Variants in TRAF3IP1 observed in about 807,000 individuals in gnomAD.
TRAF3IP1 encodes intraflagellar transport 54.
Under a neutral mutation model 89.9 loss-of-function variants are expected in TRAF3IP1, and 53 were observed. The observed-to-expected ratio is 0.59, with a 90% CI of 0.47 to 0.74. The LOEUF (loss-of-function observed/expected upper bound fraction) is 0.74, where lower values mean the gene tolerates loss of function less well. TRAF3IP1 is among the 30% of genes least tolerant of loss of function. The probability of loss-of-function intolerance (pLI) is 0.00; values close to 1 mark genes in which losing one functional copy is unlikely to be tolerated. For synonymous variants in TRAF3IP1, 311 were observed against 322.1 expected (o/e 0.97, Z 0.37); for missense variants, 806 against 866.1 (o/e 0.93, Z 0.87).
At chr2:238,393,923 A>C (rs1050770045) in intron 15 of TRAF3IP1, among the ~76,000 whole-genome samples, 1 of 152,170 alleles carries the variant, frequency 6.6e-6, no homozygotes, top group Non-Finnish European at 1.5e-5. Context: ...CTTGAAGCCT[A>C]CGCGGTGGCT....
chr2:238,330,704 G>T (rs970533183), intron 5 of TRAF3IP1, among the ~76,000 whole-genome samples: 2 of 152,210 alleles, frequency 1.3e-5, no homozygotes, highest in African/African-American at 4.8e-5. Flanking sequence ...TCCTGTGGGG[G>T]TCAGTATAAG....
rs571820 is a variant in TRAF3IP1 at position 238,398,604 on chromosome 2, A to G, written c.1911-150A>G. The G allele has an allele frequency of 0.73, 615,025 of 845,290 alleles. 225,948 individuals are homozygous for G. The highest frequency in any genetic ancestry group is 0.83 in the Middle Eastern group (2,231 of 2,678). 52.4% of individuals were successfully genotyped at this position (845,290 alleles called of 1,614,324 possible). A position where few individuals can be genotyped will look rare whatever the true frequency, so the allele number is the denominator to read the frequency against. On this transcript the variant is annotated intron_variant, in intron 16 of 16. Coordinates refer to ENST00000373327, the MANE Select transcript of TRAF3IP1 (RefSeq NM_015650.4). The stretch of plus-strand genomic sequence containing the variant: ...CATGTTTGACTTCACTTTTGGTTGT[A>G]GCAGGGGTTGTGAAAATAAGAAATA...
At chr2:238,382,736 G>A (rs1574967064) in intron 15 of TRAF3IP1, among the ~76,000 whole-genome samples, 1 of 152,098 alleles carries the variant, frequency 6.6e-6, no homozygotes, top group Non-Finnish European at 1.5e-5. Flanking sequence ...CCCCCAAGTT[G>A]CTCAAGAGAG....
chr2:238,364,883 C>T (rs1699811463), intron 15 of TRAF3IP1, among the ~76,000 whole-genome samples: 1 of 152,158 alleles, frequency 6.6e-6, no homozygotes, highest in African/African-American at 2.4e-5. Flanking sequence ...ATTTGACCTG[C>T]ATATATGTTT....
intron 7 of TRAF3IP1, 33 bp downstream of exon 7, chr2:238,334,068 A>G: frequency 3.5e-6 from 5 of 1,419,738 alleles, no homozygotes; most frequent in Non-Finnish European, 4.8e-6. Flanking sequence ...AGCTGAAAAT[A>G]TGGATATTAG....
Position 238,398,809 on chromosome 2 carries a change from C to T in TRAF3IP1, c.1966C>T (p.Leu656=), listed in dbSNP as rs1421368835. 3.7e-6 allele frequency: 6 copies of T among 1,612,936 alleles called. No homozygotes were observed. Among genetic ancestry groups the T allele is most frequent in the Non-Finnish European group, 5.1e-6 (6 of 1,179,666 alleles). The change falls in exon 17 of 17, where the codon CTG becomes TTG. Residue 656 remains leucine (L), a synonymous_variant. Coordinates refer to ENST00000373327, the MANE Select transcript of TRAF3IP1 (RefSeq NM_015650.4). Reference sequence around the variant, plus strand: ...GGCTGAGCTCGCGGAGCTGGAGCAGCTGATCAAAGACCAGCAAGACAAGAT... The same window carrying T: ...GGCTGAGCTCGCGGAGCTGGAGCAGTTGATCAAAGACCAGCAAGACAAGAT... ...LKAELAELEQ[L]IKDQQDKICA...
intron 8 of TRAF3IP1, among the ~76,000 whole-genome samples, chr2:238,340,054 C>T (rs988761421): frequency 1.6e-3 from 17 of 10,812 alleles, no homozygotes; most frequent in Non-Finnish European, 4.6e-3. Flanking sequence ...CGGTGGGTGG[C>T]GGGGCGGGGG....
chr2:238,396,565 GAGAA>G (rs1289911601), intron 15 of TRAF3IP1, among the ~76,000 whole-genome samples: 2 of 151,414 alleles, frequency 1.3e-5, no homozygotes, highest in African/African-American at 4.9e-5. Context: ...AGGAAAGAAG[GAGAA>G]AGAACTGATG....
intron 12 of TRAF3IP1, among the ~76,000 whole-genome samples, chr2:238,349,611 A>G (rs957932179): frequency 6.6e-6 from 1 of 152,252 alleles, no homozygotes; most frequent in African/African-American, 2.4e-5. Context: ...CCATGCATAC[A>G]TGTAAAATAC....
chr2:238,330,975 T>C (rs1698089841), intron 5 of TRAF3IP1, among the ~76,000 whole-genome samples: 1 of 152,110 alleles, frequency 6.6e-6, no homozygotes, highest in Non-Finnish European at 1.5e-5. Flanking sequence ...GAAAAAATAT[T>C]TTTCATGGAC....
chr2:238,384,157 A>G (rs1195294911), intron 15 of TRAF3IP1, among the ~76,000 whole-genome samples: 1 of 151,746 alleles, frequency 6.6e-6, no homozygotes, highest in East Asian at 1.9e-4. Context: ...TCAGGCTGTC[A>G]TCCCCACACA....
chr2:238,396,475 C>T (rs1031606409), intron 15 of TRAF3IP1, among the ~76,000 whole-genome samples: 6 of 150,072 alleles, frequency 4.0e-5, no homozygotes, highest in African/African-American at 1.5e-4. Context: ...CACATGTATA[C>T]ATATGTAACA....
Position 238,396,549 on chromosome 2 carries a change from A to C in TRAF3IP1, c.1690-910A>C, listed in dbSNP as rs191274609. ...TATAATAATAATAAAAAAATTAAAA[A>C]AAAAAAGGAAAGAAGGAGAAAGAAC... is the stretch of plus-strand genomic sequence containing the variant. On this transcript the variant is annotated intron_variant, in intron 15 of 16. Transcript: ENST00000373327. 1.6e-3 allele frequency among the ~76,000 whole-genome samples: 237 copies of C among 152,140 alleles called. 3 individuals are homozygous for C. Among genetic ancestry groups the C allele is most frequent in the African/African-American group, 5.2e-3 (214 of 41,544 alleles).
intron 15 of TRAF3IP1, among the ~76,000 whole-genome samples, chr2:238,395,879 A>G (rs1177437321): frequency 6.6e-6 from 1 of 152,184 alleles, no homozygotes; most frequent in Non-Finnish European, 1.5e-5. Context: ...TCAGGAAACA[A>G]CAGGTGCTGG....
At chr2:238,393,483 C>G (rs142015943) in intron 15 of TRAF3IP1, among the ~76,000 whole-genome samples, 1 of 152,236 alleles carries the variant, frequency 6.6e-6, no homozygotes, top group African/African-American at 2.4e-5. Context: ...CTGTGACTTA[C>G]CTTTGCGGCT....
At position 238,320,560 on chromosome 2, in the gene TRAF3IP1, C is replaced by A. The variant is rs944391420; in HGVS notation, c.-103C>A. The A allele has an allele frequency of 9.6e-7, 1 of 1,037,192 alleles. No homozygotes were observed. The highest frequency in any genetic ancestry group is 1.2e-6 in the Non-Finnish European group (1 of 864,810). The allele number at this position is 1,037,192 out of a possible 1,614,324, so 64.2% of individuals were successfully genotyped here. On this transcript the variant is annotated 5_prime_UTR_variant, in exon 1 of 17. Coordinates refer to ENST00000373327, the MANE Select transcript of TRAF3IP1 (RefSeq NM_015650.4). Reference sequence around the variant, plus strand: ...CCGGAGCGGCGCGTCCTGGCAGGACCGGGCGGCGGCGGCGGCGGGGCCGGC... The same window carrying A: ...CCGGAGCGGCGCGTCCTGGCAGGACAGGGCGGCGGCGGCGGCGGGGCCGGC...
intron 1 of TRAF3IP1, among the ~76,000 whole-genome samples, chr2:238,321,467 C>T (rs891225673): frequency 1.3e-5 from 2 of 152,158 alleles, no homozygotes; most frequent in African/African-American, 4.8e-5. Flanking sequence ...TGTAGGGGGA[C>T]TTGGCAGGAA....
chr2:238,341,325 A>T (rs1242361267), intron 8 of TRAF3IP1, among the ~76,000 whole-genome samples: 1 of 151,950 alleles, frequency 6.6e-6, no homozygotes, highest in Non-Finnish European at 1.5e-5. Context: ...CCCAGCATAT[A>T]GTTACATATT....
At chr2:238,335,947 C>T (rs751033696) in intron 7 of TRAF3IP1, among the ~76,000 whole-genome samples, 4 of 151,874 alleles carry the variant, frequency 2.6e-5, no homozygotes, top group Non-Finnish European at 4.4e-5. Flanking sequence ...TATGCCACCA[C>T]GCCCAGCTAA....
Sources: gnomAD v4.1 joint callset for allele counts (sites outside exome capture counted in the v4.1 genomes callset) on GRCh38, gnomAD v4.1.1 for gene constraint, MANE v1.5 for transcripts, NCBI Gene and HGNC (gene_info 2026-07-23, HGNC 2026-07-21) for gene names.